Variants in ILKAP observed in about 807,000 individuals in gnomAD.
ILKAP encodes integrin-linked kinase-associated serine/threonine phosphatase 2C.
Under a neutral mutation model 49.1 loss-of-function variants are expected in ILKAP, and 11 were observed. That is an observed-to-expected ratio of 0.22 (90% CI 0.14 to 0.37). ILKAP has a LOEUF of 0.37. Ranked by LOEUF, ILKAP falls within the 10% of genes least tolerant of loss-of-function variation. The probability of loss-of-function intolerance (pLI) is 1.00; values close to 1 mark genes in which losing one functional copy is unlikely to be tolerated. For missense variants in ILKAP, 363 were observed against 510.8 expected, an observed-to-expected ratio of 0.71 and a Z score of 2.79; for synonymous variants, 186 against 192.8, an observed-to-expected ratio of 0.96 and a Z score of 0.29.
intron 10 of ILKAP, 126 bp downstream of exon 10, chr2:238,173,408 T>G (rs1693312456): frequency 7.9e-7 from 1 of 1,258,046 alleles, no homozygotes; most frequent in African/African-American, 1.5e-5. Flanking sequence ...TTTGTTTATC[T>G]CTGCACCCCC....
chr2:238,185,061 C>T (rs1409382335), intron 6 of ILKAP, 120 bp downstream of exon 6: 1 of 672,330 alleles, frequency 1.5e-6, no homozygotes, highest in East Asian at 2.7e-5. Flanking sequence ...CAGCACCACT[C>T]TTTTAAGACT....
At chr2:238,189,315 A>G (rs1694028257) in intron 4 of ILKAP, among the ~76,000 whole-genome samples, 1 of 151,790 alleles carries the variant, frequency 6.6e-6, no homozygotes, top group South Asian at 2.1e-4. Flanking sequence ...GTCTCAAAAA[A>G]AAGAGAAAAA....
chr2:238,194,810 T>C lies in ILKAP; in HGVS notation c.116A>G (p.Asp39Gly). 1.2e-6 allele frequency: 2 copies of C among 1,613,932 alleles called. No homozygotes were observed. The highest frequency in any genetic ancestry group is 1.7e-6 in the Non-Finnish European group (2 of 1,179,902). Residue 39 changes from aspartate (D) to glycine (G), a missense_variant, in exon 2 of 12, where the codon GAC becomes GGC. Transcript: ENST00000254654. The part of the protein sequence containing the change: ...FDDLPPASST[D>G]SGSGGPLLFD... ...GGAGAGCCTGAAGACTGTACCTGAG[T>C]CAGTACTGCTGGCCGGAGGGAGGTC...
intron 1 of ILKAP, among the ~76,000 whole-genome samples, chr2:238,202,917 T>C (rs192211535): frequency 1.9e-4 from 28 of 151,094 alleles, no homozygotes; most frequent in African/African-American, 5.8e-4. Context: ...CTGTTAATTA[T>C]CACAAAATCA....
chr2:238,183,335 T>C (rs1307105555), intron 8 of ILKAP, among the ~76,000 whole-genome samples: 1 of 152,162 alleles, frequency 6.6e-6, no homozygotes, highest in African/African-American at 2.4e-5. Context: ...TTTAGGCTAC[T>C]TGCATACTGA....
intron 9 of ILKAP, among the ~76,000 whole-genome samples, chr2:238,181,855 T>C (rs558423050): frequency 1.3e-5 from 2 of 152,306 alleles, no homozygotes; most frequent in East Asian, 3.9e-4. Context: ...TTTGTCCTTT[T>C]GCAAATGTAG....
intron 4 of ILKAP, 108 bp downstream of exon 4, chr2:238,189,745 A>T: frequency 9.6e-7 from 1 of 1,042,412 alleles, no homozygotes; most frequent in Non-Finnish European, 1.4e-6. Flanking sequence ...CTTATTTCTT[A>T]AATACAGACA....
intron 9 of ILKAP, 93 bp downstream of exon 9, chr2:238,181,972 G>GT: frequency 4.4e-6 from 6 of 1,362,500 alleles, no homozygotes; most frequent in Non-Finnish European, 6.1e-6. Flanking sequence ...TGAAGACTAC[G>GT]TAACAGGGGA....
At chr2:238,177,812 T>C (rs184205100) in intron 9 of ILKAP, among the ~76,000 whole-genome samples, 206 of 152,342 alleles carry the variant, frequency 1.4e-3, no homozygotes, top group African/African-American at 4.7e-3. Flanking sequence ...GTGTCCCTGC[T>C]TTGAGTTCTT....
intron 3 of ILKAP, among the ~76,000 whole-genome samples, chr2:238,190,939 T>C (rs1449021944): frequency 6.8e-6 from 1 of 147,738 alleles, no homozygotes; most frequent in African/African-American, 2.5e-5. Context: ...CTCAACCTAC[T>C]CTTTGCCAGA....
intron 9 of ILKAP, among the ~76,000 whole-genome samples, chr2:238,176,261 G>A (rs1693452972): frequency 6.7e-6 from 1 of 149,774 alleles, no homozygotes; most frequent in Non-Finnish European, 1.5e-5. Flanking sequence ...AACCTCCCGA[G>A]TAGCTGGGAT....
intron 6 of ILKAP, among the ~76,000 whole-genome samples, 191 bp from the exon 7 acceptor site, chr2:238,184,304 C>T (rs1340478136): frequency 1.3e-5 from 2 of 152,190 alleles, no homozygotes; most frequent in East Asian, 3.8e-4. Flanking sequence ...ATTCTTCTGC[C>T]TTAGCCTCCT....
chr2:238,179,420 A>G (rs10173809), intron 9 of ILKAP, among the ~76,000 whole-genome samples: 2 of 152,166 alleles, frequency 1.3e-5, no homozygotes, highest in Non-Finnish European at 2.9e-5. Flanking sequence ...ATTGATGATA[A>G]GAAGTTTCTT....
chr2:238,170,508 A>G lies in ILKAP; in HGVS notation c.*28T>C, dbSNP rs1001110776. On this transcript the variant is annotated 3_prime_UTR_variant, in exon 12 of 12. Transcript: ENST00000254654. ...AAAATGAACCTTTTAAGTCAATACC[A>G]TGCGTGCTCCTGGCCGCGCGCCACC... is the stretch of plus-strand genomic sequence containing the variant. 5.1e-6 allele frequency: 8 copies of G among 1,573,606 alleles called. No individual in the cohort carries two copies. The Admixed American group carries it at 1.1e-4, about 21-fold the overall frequency.
intron 1 of ILKAP, among the ~76,000 whole-genome samples, chr2:238,196,044 A>C (rs1476367793): frequency 4.3e-4 from 6 of 14,094 alleles, no homozygotes; most frequent in African/African-American, 6.3e-4. Flanking sequence ...ACTCTGTCAC[A>C]AAAAAAAAAA....
chr2:238,183,405 A>G (rs1201855500), intron 8 of ILKAP, among the ~76,000 whole-genome samples: 5 of 152,202 alleles, frequency 3.3e-5, no homozygotes, highest in South Asian at 4.1e-4. Context: ...GAAACAAAAA[A>G]GACGGGATCT....
At chr2:238,197,345 A>G (rs1407260172) in intron 1 of ILKAP, among the ~76,000 whole-genome samples, 1 of 152,174 alleles carries the variant, frequency 6.6e-6, no homozygotes, top group Admixed American at 6.5e-5. Context: ...CAAAAACCAC[A>G]TGAGATGTTC....
chr2:238,176,689 A>G (rs1693475068), intron 9 of ILKAP, among the ~76,000 whole-genome samples: 1 of 152,250 alleles, frequency 6.6e-6, no homozygotes, highest in South Asian at 2.1e-4. Context: ...AGACTGGGTG[A>G]GACTGAGACA....
intron 1 of ILKAP, among the ~76,000 whole-genome samples, chr2:238,200,143 C>T (rs753132930): frequency 1.3e-5 from 2 of 152,168 alleles, no homozygotes; most frequent in Non-Finnish European, 2.9e-5. Flanking sequence ...GACATCAGGT[C>T]GGCACTTTTA....
Sources: gnomAD v4.1 joint callset for allele counts (sites outside exome capture counted in the v4.1 genomes callset) on GRCh38, gnomAD v4.1.1 for gene constraint, MANE v1.5 for transcripts, NCBI Gene and HGNC (gene_info 2026-07-23, HGNC 2026-07-21) for gene names.